Variants in CDK19 observed in about 807,000 individuals in gnomAD.
CDK19 encodes cyclin-dependent kinase 19.
CDK19 carries 20 observed loss-of-function variants against 68.3 expected under a neutral mutation model. That is an observed-to-expected ratio of 0.29 (90% CI 0.21 to 0.43). The LOEUF is 0.43. Ranked by LOEUF, CDK19 falls within the 20% of genes least tolerant of loss-of-function variation. The pLI is 1.00. For synonymous variants in CDK19, 221 were observed against 222.8 expected (o/e 0.99, Z 0.07); for missense variants, 339 against 623.5 (o/e 0.54, Z 4.86).
At chr6:110,677,519 T>C (rs1173186442) in intron 2 of CDK19, among the ~76,000 whole-genome samples, 1 of 146,172 alleles carries the variant, frequency 6.8e-6, no homozygotes, top group Non-Finnish European at 1.5e-5. Context: ...TGAGCCGAGA[T>C]CGCGCCACTG....
intron 4 of CDK19, among the ~76,000 whole-genome samples, chr6:110,650,717 CG>C: frequency 1.3e-5 from 2 of 152,090 alleles, no homozygotes; most frequent in Middle Eastern, 6.8e-3. Flanking sequence ...CAAAGCAAAA[CG>C]GGGGATATCT....
rs1252871484 is a variant in CDK19 at position 110,621,340 on chromosome 6, G to C, written c.1141C>G (p.Gln381Glu). The change falls in exon 12 of 13, where the codon CAG (glutamine) becomes GAG (glutamate). Residue 381 changes from glutamine to glutamate, a missense_variant. Physicochemically the swap from Gln to Glu is conservative, Grantham distance 29 (BLOSUM62 2). Around this residue, in one of 4 missense-constraint regions of CDK19, gnomAD observed 155 missense variants for 222.7 expected, o/e 0.70. Coordinates refer to ENST00000368911, the MANE Select transcript of CDK19 (RefSeq NM_015076.5). This position sits in a 1 kb window ranked among gnomAD's most constrained non-coding sequence, Gnocchi z 5.4. The part of the protein sequence containing the change: ...NQQQQQNQHQ[Q>E]PTAPPQQAAA... Reference sequence around the variant, plus strand: ...GCCTGCTGTGGAGGGGCTGTGGGCTGCTGATGCTGGTTCTGCTGCTGTTGC... The same window carrying C: ...GCCTGCTGTGGAGGGGCTGTGGGCTCCTGATGCTGGTTCTGCTGCTGTTGC... 6.4e-7 allele frequency: 1 copy of C among 1,571,466 alleles called. No homozygotes were observed. The highest frequency in any genetic ancestry group is 1.9e-5 in the Admixed American group (1 of 51,888).
chr6:110,623,310 C>A lies in CDK19; in HGVS notation c.913G>T (p.Asp305Tyr). ...KYMEKHKVKPDSKVFLLLQKL... is the reference protein window; with the variant it reads ...KYMEKHKVKPYSKVFLLLQKL... ...CCTACCAAGAGGAACACTTTGCTGTCAGGCTTGACCTTGTGTTTCTCCATG... is the reference window on the plus strand; with the variant it reads ...CCTACCAAGAGGAACACTTTGCTGTAAGGCTTGACCTTGTGTTTCTCCATG... Residue 305 changes from aspartate to tyrosine, a missense_variant, in exon 9 of 13, where the codon GAC (aspartate) becomes TAC (tyrosine). Asp to Tyr is a radical substitution (Grantham distance 160). Around this residue, in one of 4 missense-constraint regions of CDK19, gnomAD observed 63 missense variants for 156.5 expected, o/e 0.40. Transcript: ENST00000368911. 1 of 1,613,858 alleles carries A rather than the reference C, an allele frequency of 6.2e-7. No homozygotes were observed.
intron 1 of CDK19, among the ~76,000 whole-genome samples, chr6:110,766,520 G>A (rs766043697): frequency 3.4e-4 from 51 of 152,062 alleles, no homozygotes; most frequent in Non-Finnish European, 6.8e-4. Context: ...AGAGGTTCCA[G>A]TGAGCCCAGA....
At chr6:110,616,475 C>T (rs920523414) in intron 12 of CDK19, among the ~76,000 whole-genome samples, 1 of 152,078 alleles carries the variant, frequency 6.6e-6, no homozygotes. Context: ...CAAGACCAGT[C>T]TGGCCAACAT....
At position 110,815,309 on chromosome 6, in the gene CDK19, CG is replaced by C; in HGVS notation, c.-174del. ...CCGCCTTCAGCAAGGGACTCCTCGG[CG>C]GCCACAGCAGCCACCTCCTCCACCT... is the stretch of plus-strand genomic sequence containing the variant. On this transcript the variant is annotated 5_prime_UTR_variant, in exon 1 of 13. The change abolishes the stop of an existing upstream ORF in the 5' untranslated region. Coordinates refer to ENST00000368911, the MANE Select transcript of CDK19 (RefSeq NM_015076.5). 1 of 641,494 alleles carries C rather than the reference CG, an allele frequency of 1.6e-6. No homozygotes were observed. Among genetic ancestry groups the C allele is most frequent in the Non-Finnish European group, 2.3e-6 (1 of 437,430 alleles). The allele number at this position is 641,494 out of a possible 1,614,324, so 39.7% of individuals were successfully genotyped here.
intron 5 of CDK19, among the ~76,000 whole-genome samples, chr6:110,634,036 G>A: frequency 6.6e-6 from 1 of 152,150 alleles, no homozygotes; most frequent in Non-Finnish European, 1.5e-5. Flanking sequence ...AACAAATGTT[G>A]ATTGTATAAG....
chr6:110,764,627 C>T (rs1779447533), intron 1 of CDK19, among the ~76,000 whole-genome samples: 1 of 152,114 alleles, frequency 6.6e-6, no homozygotes, highest in Non-Finnish European at 1.5e-5. Context: ...AAATGGACTG[C>T]TGACTTAATA....
rs1447209044 is a variant in CDK19, at chr6:110,676,212, A to G, written c.205-5671T>C. Among the ~76,000 whole-genome samples the G allele has an allele frequency of 2.6e-5, 4 of 152,350 alleles. No individual in the cohort carries two copies. In the East Asian group the frequency reaches 5.8e-4, roughly 22 times the overall value. On this transcript the variant is annotated intron_variant, in intron 2 of 12. Transcript: ENST00000368911. Reference sequence around the variant, plus strand: ...TGGTAGCAATAACAAGAGAACAACAATTAGAAGTAGAGCTTGAGGATTAAC... The same window carrying G: ...TGGTAGCAATAACAAGAGAACAACAGTTAGAAGTAGAGCTTGAGGATTAAC...
At chr6:110,771,966 G>A (rs2114996421) in intron 1 of CDK19, among the ~76,000 whole-genome samples, 2 of 152,194 alleles carry the variant, frequency 1.3e-5, no homozygotes, top group East Asian at 3.9e-4. Context: ...ATCACTATCA[G>A]CATTTTGGGC....
At chr6:110,663,354 AT>A (rs1781730369) in intron 4 of CDK19, among the ~76,000 whole-genome samples, 1 of 152,236 alleles carries the variant, frequency 6.6e-6, no homozygotes, top group South Asian at 2.1e-4. Flanking sequence ...CATATTTCAT[AT>A]ACTTTATATT....
chr6:110,707,166 T>A (rs958623550), intron 2 of CDK19, among the ~76,000 whole-genome samples: 2 of 151,678 alleles, frequency 1.3e-5, no homozygotes, highest in Admixed American at 6.6e-5. Context: ...TGAAACCCCA[T>A]CTCTACTAAA....
chr6:110,792,362 C>T (rs1166768415), intron 1 of CDK19, among the ~76,000 whole-genome samples: 2 of 152,024 alleles, frequency 1.3e-5, no homozygotes, highest in Admixed American at 6.6e-5. Context: ...AAGAGCCCAT[C>T]ATCAAACCAA....
At chr6:110,796,508 G>T (rs1781946053) in intron 1 of CDK19, among the ~76,000 whole-genome samples, 1 of 151,826 alleles carries the variant, frequency 6.6e-6, no homozygotes, top group Non-Finnish European at 1.5e-5. Flanking sequence ...ACAAAAATTA[G>T]CTGGGCATGG....
chr6:110,753,396 A>AT (rs202154607), intron 1 of CDK19, among the ~76,000 whole-genome samples: 17 of 148,514 alleles, frequency 1.1e-4, no homozygotes, highest in African/African-American at 2.0e-4. Flanking sequence ...ATAATTTTTT[A>AT]TTTTTTTTTT....
intron 1 of CDK19, among the ~76,000 whole-genome samples, chr6:110,798,236 A>G (rs1782086109): frequency 6.6e-6 from 1 of 152,098 alleles, no homozygotes; most frequent in Non-Finnish European, 1.5e-5. Context: ...ATAGTACATT[A>G]TGTAAGATGG....
At chr6:110,641,484 C>T (rs563199085) in intron 4 of CDK19, among the ~76,000 whole-genome samples, 22 of 151,174 alleles carry the variant, frequency 1.5e-4, no homozygotes, top group African/African-American at 5.3e-4. Context: ...GTAGTCCCAG[C>T]TACTTGGGAG....
chr6:110,802,000 T>C lies in CDK19; in HGVS notation c.128+13009A>G, dbSNP rs530383876. On this transcript the variant is annotated intron_variant, in intron 1 of 12. Coordinates refer to ENST00000368911, the MANE Select transcript of CDK19 (RefSeq NM_015076.5). Reference sequence around the variant, plus strand: ...ACAGTGAGATACCATCTTACACCAGTCAGAATTGCTATTATCAAAAATAAA... The same window carrying C: ...ACAGTGAGATACCATCTTACACCAGCCAGAATTGCTATTATCAAAAATAAA... 2.0e-4 allele frequency among the ~76,000 whole-genome samples: 31 copies of C among 152,190 alleles called. No homozygotes were observed. In the East Asian group the frequency reaches 6.0e-3, roughly 29 times the overall value.
At chr6:110,627,985 G>A (rs1038169143) in intron 6 of CDK19, among the ~76,000 whole-genome samples, 4 of 152,062 alleles carry the variant, frequency 2.6e-5, no homozygotes, top group East Asian at 3.9e-4. Context: ...TGAGGTGGGC[G>A]GATCACTTGA....
Sources: gnomAD v4.1 joint callset for allele counts (sites outside exome capture counted in the v4.1 genomes callset) on GRCh38, gnomAD v4.1.1 for gene constraint, gnomAD v4.1.1 regional missense constraint, Gnocchi (gnomAD v3.1) non-coding constraint, MANE v1.5 for transcripts, NCBI Gene and HGNC (gene_info 2026-07-23, HGNC 2026-07-21) for gene names.